AFF1: variants seen among roughly 807,000 people sequenced by gnomAD.
AFF1 encodes AF4/FMR2 family member 1.
In AFF1, 48 loss-of-function variants were observed where a neutral mutation model predicts 121.7. The ratio of observed to expected loss-of-function variants is 0.39; its 90% CI spans 0.31 to 0.50. The LOEUF is 0.50. Ranked by LOEUF, AFF1 falls within the 20% of genes least tolerant of loss-of-function variation. The pLI is 0.76. For missense variants in AFF1, 1,523 were observed against 1,511.7 expected, an observed-to-expected ratio of 1.01 and a Z score of -0.12; for synonymous variants, 613 against 563.0, an observed-to-expected ratio of 1.09 and a Z score of -1.26.
At chr4:87,053,972 G>C (rs1052751686) in intron 4 of AFF1, among the ~76,000 whole-genome samples, 1 of 152,160 alleles carries the variant, frequency 6.6e-6, no homozygotes, top group Non-Finnish European at 1.5e-5. Flanking sequence ...AGGGGTGTTG[G>C]GGCTTAAGCA....
intron 2 of AFF1, among the ~76,000 whole-genome samples, chr4:87,031,648 G>A (rs992753764): frequency 7.2e-5 from 11 of 151,844 alleles, no homozygotes; most frequent in Admixed American, 2.0e-4. Context: ...CAACTTTGAC[G>A]TAAATAATAT....
intron 4 of AFF1, among the ~76,000 whole-genome samples, chr4:87,057,185 C>T (rs563886194): frequency 5.9e-5 from 9 of 152,018 alleles, no homozygotes; most frequent in South Asian, 2.1e-4. Context: ...AAGCAAGACA[C>T]GGAGGGAAAT....
rs763409340 is a variant in AFF1, at chr4:87,108,280, G to A, written c.1498G>A (p.Glu500Lys). ...GAGCGAGAGCAGTTCAAGTGACAGC[G>A]AAGAAAATGAGCCCCTAGAAACCCC... is the stretch of plus-strand genomic sequence containing the variant. ...SESESSSSDS[E>K]ENEPLETPAP... Residue 500 changes from glutamate (E) to lysine (K), a missense_variant, in exon 11 of 21, where the codon GAA becomes AAA. Physicochemically the swap from Glu to Lys is moderately conservative, Grantham distance 56. Transcript: ENST00000395146. The A allele has an allele frequency of 1.9e-5, 31 of 1,613,818 alleles. No individual in the cohort carries two copies. Among genetic ancestry groups the A allele is most frequent in the Admixed American group, 5.0e-5 (3 of 59,986 alleles).
At chr4:87,112,958 T>C (rs1726704435) in intron 11 of AFF1, among the ~76,000 whole-genome samples, 1 of 152,240 alleles carries the variant, frequency 6.6e-6, no homozygotes, top group East Asian at 1.9e-4. Context: ...ATGAAATTCA[T>C]GGGTATAGTA....
chr4:87,106,712 C>G (rs535599234), intron 10 of AFF1, among the ~76,000 whole-genome samples: 107 of 152,292 alleles, frequency 7.0e-4, no homozygotes, highest in Non-Finnish European at 1.3e-3. Context: ...ATAATACTTT[C>G]CTCTGGTAAT....
chr4:87,131,330 A>T lies in AFF1; in HGVS notation c.3101+111A>T, dbSNP rs895224904. 62 of 1,402,024 alleles carry T rather than the reference A, an allele frequency of 4.4e-5. No individual in the cohort carries two copies. The African/African-American group carries it at 8.5e-4, about 19-fold the overall frequency. The allele number at this position is 1,402,024 out of a possible 1,614,324, so 86.8% of individuals were successfully genotyped here. A position where few individuals can be genotyped will look rare whatever the true frequency, so the allele number is the denominator to read the frequency against. On this transcript the variant is annotated intron_variant, in intron 17 of 20. Transcript: ENST00000395146. ...AGATGGCTCAATAAAGGGGAGCCTT[A>T]AAAAAGTTATTGGTCTAAGAACTAG... is the stretch of plus-strand genomic sequence containing the variant.
At chr4:86,957,426 A>G (rs1223280751) in intron 2 of AFF1, among the ~76,000 whole-genome samples, 4 of 152,218 alleles carry the variant, frequency 2.6e-5, no homozygotes, top group African/African-American at 7.2e-5. Flanking sequence ...TAAGGTATTC[A>G]TATCAGTAGC....
intron 2 of AFF1, among the ~76,000 whole-genome samples, chr4:87,009,771 G>A (rs1000529121): frequency 1.1e-4 from 16 of 152,206 alleles, no homozygotes; most frequent in African/African-American, 3.9e-4. Context: ...GCTGGGCCAC[G>A]TTGCCCTGAG....
intron 2 of AFF1, among the ~76,000 whole-genome samples, chr4:87,038,706 C>T (rs181000253): frequency 5.2e-4 from 79 of 152,314 alleles, no homozygotes; most frequent in Non-Finnish European, 1.0e-3. Flanking sequence ...ACATTCAAAT[C>T]AGAATGGCAT....
At chr4:87,116,871 TTA>T (rs1560644809) in intron 12 of AFF1, among the ~76,000 whole-genome samples, 3 of 151,794 alleles carry the variant, frequency 2.0e-5, no homozygotes, top group African/African-American at 7.3e-5. Context: ...GTACAAAACT[TTA>T]TGGAGAAAAT....
intron 2 of AFF1, chr4:86,974,043 C>T (rs749753617): frequency 1.3e-5 from 2 of 152,360 alleles, no homozygotes; most frequent in South Asian, 2.1e-4. Flanking sequence ...CAAAGTGTCA[C>T]GGATGAAATC....
chr4:86,957,087 G>A (rs545324755), intron 2 of AFF1, among the ~76,000 whole-genome samples: 2 of 152,198 alleles, frequency 1.3e-5, no homozygotes, highest in East Asian at 3.9e-4. Context: ...TAATTATTTT[G>A]TGCCTTCAGT....
chr4:87,110,632 C>CT (rs1340961413), intron 11 of AFF1, among the ~76,000 whole-genome samples: 2 of 151,624 alleles, frequency 1.3e-5, no homozygotes, highest in African/African-American at 2.4e-5. Context: ...TTTTAATGCT[C>CT]TTTTTAAAAA....
chr4:86,940,807 G>A (rs1560489252), intron 1 of AFF1, among the ~76,000 whole-genome samples: 1 of 151,136 alleles, frequency 6.6e-6, no homozygotes, highest in Non-Finnish European at 1.5e-5. Flanking sequence ...GAAGGGAGGG[G>A]CTGGGCATGG....
intron 19 of AFF1, 41 bp downstream of exon 19, chr4:87,132,449 C>T (rs1291624957): frequency 1.3e-6 from 2 of 1,551,322 alleles, no homozygotes; most frequent in Non-Finnish European, 1.7e-6. Flanking sequence ...AGAATTGAGT[C>T]ATTTCTTTAT....
chr4:87,122,203 C>T lies in AFF1; in HGVS notation c.2467-2834C>T, dbSNP rs571219501. Among the ~76,000 whole-genome samples, 66 of 152,294 alleles carry T rather than the reference C, an allele frequency of 4.3e-4. No homozygotes were observed. The South Asian group carries it at 0.012, about 28-fold the overall frequency. On this transcript the variant is annotated intron_variant, in intron 12 of 20. Coordinates refer to ENST00000395146, the MANE Select transcript of AFF1 (RefSeq NM_001166693.3). Reference sequence around the variant, plus strand: ...TTCTGTCTTGTAATGTTTCTTGGGCCGGCTATACTGCCTTTCATCTAAAAC... The same window carrying T: ...TTCTGTCTTGTAATGTTTCTTGGGCTGGCTATACTGCCTTTCATCTAAAAC...
intron 4 of AFF1, among the ~76,000 whole-genome samples, chr4:87,074,634 CTG>C (rs1722470856): frequency 6.6e-6 from 1 of 152,284 alleles, no homozygotes; most frequent in South Asian, 2.1e-4. Context: ...AACTTTTGCA[CTG>C]TTAGTTGACA....
intron 11 of AFF1, among the ~76,000 whole-genome samples, chr4:87,109,217 G>A (rs1726226104): frequency 1.3e-5 from 2 of 152,196 alleles, no homozygotes; most frequent in African/African-American, 2.4e-5. Context: ...GCATTAAAAA[G>A]CCTTCTGTAT....
At chr4:87,002,425 GTTTTTTTTTT>G (rs3035506) in intron 2 of AFF1, among the ~76,000 whole-genome samples, 2 of 68,142 alleles carry the variant, frequency 2.9e-5, no homozygotes, top group African/African-American at 5.2e-5. Flanking sequence ...GGGCAATGAA[GTTTTTTTTTT>G]TTTTTTTTTT....
Sources: gnomAD v4.1 joint callset for allele counts (sites outside exome capture counted in the v4.1 genomes callset) on GRCh38, gnomAD v4.1.1 for gene constraint, MANE v1.5 for transcripts, NCBI Gene and HGNC (gene_info 2026-07-23, HGNC 2026-07-21) for gene names.